Variants in MICAL2 observed in about 807,000 individuals in gnomAD.
MICAL2 encodes microtubule associated monooxygenase, calponin and LIM domain containing 2, also known as [F-actin]-monooxygenase MICAL2.
MICAL2 carries 77 observed loss-of-function variants against 127.3 expected under a neutral mutation model. The ratio of observed to expected loss-of-function variants is 0.60; its 90% CI spans 0.50 to 0.73. MICAL2 has a LOEUF of 0.73. Among genes scored for constraint, MICAL2 ranks in the 30% least tolerant of loss-of-function variants. The pLI is 0.00. For missense variants in MICAL2, 1,351 were observed against 1,434.4 expected, an observed-to-expected ratio of 0.94 and a Z score of 0.94; for synonymous variants, 570 against 551.1, an observed-to-expected ratio of 1.03 and a Z score of -0.48.
chr11:12,252,010 C>T (rs1044732752), intron 22 of MICAL2, among the ~76,000 whole-genome samples: 3 of 152,128 alleles, frequency 2.0e-5, no homozygotes, highest in African/African-American at 4.8e-5. Context: ...GGGAGAATAC[C>T]GTGGAGCCCG....
downstream of MICAL2, among the ~76,000 whole-genome samples, chr11:12,360,377 G>GA (rs1433585863): frequency 3.3e-5 from 5 of 152,186 alleles, no homozygotes; most frequent in Non-Finnish European, 5.9e-5. Context: ...TAACCCAGAT[G>GA]TTTGGGGCAG....
chr11:12,264,187 A>G (rs1019519503), downstream of MICAL2, among the ~76,000 whole-genome samples: 4 of 152,134 alleles, frequency 2.6e-5, no homozygotes, highest in Non-Finnish European at 4.4e-5. Context: ...TTAGGTTCCT[A>G]TTCAGCAAAG....
At chr11:12,349,560 G>A (rs995191899) in intron 32 of MICAL2, among the ~76,000 whole-genome samples, 5 of 152,150 alleles carry the variant, frequency 3.3e-5, no homozygotes, top group African/African-American at 4.8e-5. Context: ...GGGGAGGGTC[G>A]TTTGTGGTGG....
At chr11:12,117,808 G>A (rs1413214901) in intron 1 of MICAL2, among the ~76,000 whole-genome samples, 6 of 152,198 alleles carry the variant, frequency 3.9e-5, no homozygotes, top group Non-Finnish European at 7.3e-5. Flanking sequence ...CTCCCTGCTT[G>A]TAAGAAGGAG....
At chr11:12,266,125 T>C (rs1280781192), downstream of MICAL2, among the ~76,000 whole-genome samples, 1 of 151,840 alleles carries the variant, frequency 6.6e-6, no homozygotes, top group Non-Finnish European at 1.5e-5. Flanking sequence ...AAGAAAATAA[T>C]AAAAATTATA....
At chr11:12,330,193 A>C (rs1303844347) in intron 32 of MICAL2, among the ~76,000 whole-genome samples, 2 of 152,222 alleles carry the variant, frequency 1.3e-5, no homozygotes, top group African/African-American at 4.8e-5. Flanking sequence ...ACATTTGTGC[A>C]ATAATAATAT....
At chr11:12,153,871 C>G (rs1853866709) in intron 2 of MICAL2, among the ~76,000 whole-genome samples, 1 of 152,200 alleles carries the variant, frequency 6.6e-6, no homozygotes, top group African/African-American at 2.4e-5. Context: ...CAAGATGATT[C>G]AGGTCACATG....
intron 29 of MICAL2, among the ~76,000 whole-genome samples, chr11:12,306,359 G>A (rs1196977983): frequency 2.0e-5 from 3 of 151,962 alleles, no homozygotes; most frequent in African/African-American, 7.3e-5. Flanking sequence ...TTCATTGTGG[G>A]AATATACAGT....
chr11:12,219,432 G>C (rs1460579038), intron 8 of MICAL2, among the ~76,000 whole-genome samples: 1 of 150,764 alleles, frequency 6.6e-6, no homozygotes, highest in East Asian at 2.0e-4. Flanking sequence ...GGAGGCTGAG[G>C]CAGGAGAATT....
intron 29 of MICAL2, among the ~76,000 whole-genome samples, chr11:12,297,431 TTTGTAATGATACAAATTACAAG>T (rs1339727222): frequency 6.6e-6 from 1 of 152,156 alleles, no homozygotes; most frequent in Non-Finnish European, 1.5e-5. Flanking sequence ...TTAACCCTTT[TTTGTAATGATACAAATTACAAG>T]TACTTTTTAC....
chr11:12,317,915 G>A (rs1864248976), intron 29 of MICAL2, among the ~76,000 whole-genome samples: 1 of 152,108 alleles, frequency 6.6e-6, no homozygotes, highest in Non-Finnish European at 1.5e-5. Context: ...ATCTTTGGAA[G>A]CATTTTCTCC....
At chr11:12,264,881 G>A (rs1414202340), downstream of MICAL2, among the ~76,000 whole-genome samples, 2 of 152,190 alleles carry the variant, frequency 1.3e-5, no homozygotes, top group African/African-American at 2.4e-5. Flanking sequence ...ACCATGCGAA[G>A]TCCCCACACC....
At chr11:12,181,838 C>T (rs1047234079) in intron 3 of MICAL2, among the ~76,000 whole-genome samples, 2 of 152,214 alleles carry the variant, frequency 1.3e-5, no homozygotes. Context: ...GTCTGGTACA[C>T]GGATTTTTAA....
intron 32 of MICAL2, among the ~76,000 whole-genome samples, chr11:12,328,180 A>G (rs1023339743): frequency 2.6e-5 from 4 of 152,242 alleles, no homozygotes; most frequent in Non-Finnish European, 2.9e-5. Flanking sequence ...TATGCATTAG[A>G]CATTAAAACA....
At chr11:12,267,510 C>A (rs1032735944), downstream of MICAL2, among the ~76,000 whole-genome samples, 1 of 152,200 alleles carries the variant, frequency 6.6e-6, no homozygotes, top group Non-Finnish European at 1.5e-5. Context: ...AACCACCCTC[C>A]GCCACTGTCA....
intron 1 of MICAL2, among the ~76,000 whole-genome samples, chr11:12,117,705 G>A (rs1381466241): frequency 6.6e-6 from 1 of 152,218 alleles, no homozygotes; most frequent in Non-Finnish European, 1.5e-5. Flanking sequence ...GTTGGGTGCT[G>A]TGTGTAGAGT....
At chr11:12,317,817 G>T (rs527422143) in intron 29 of MICAL2, among the ~76,000 whole-genome samples, 4 of 151,848 alleles carry the variant, frequency 2.6e-5, no homozygotes, top group Non-Finnish European at 5.9e-5. Context: ...TACTAGAATG[G>T]TTGGTTCTGT....
chr11:12,124,548 C>T (rs1270702838), intron 1 of MICAL2, among the ~76,000 whole-genome samples: 1 of 152,228 alleles, frequency 6.6e-6, no homozygotes, highest in Non-Finnish European at 1.5e-5. Context: ...CCAGAGATTG[C>T]ACCAGGCAGC....
chr11:12,300,796 A>G (rs1864037970), intron 29 of MICAL2, among the ~76,000 whole-genome samples: 1 of 152,204 alleles, frequency 6.6e-6, no homozygotes. Flanking sequence ...CCATGCCTGG[A>G]CTTCCAACCT....
Sources: allele counts gnomAD v4.1 joint callset (sites outside exome capture counted in the v4.1 genomes callset), GRCh38; gene constraint gnomAD v4.1.1; transcripts MANE v1.5; gene names NCBI Gene and HGNC (gene_info 2026-07-23, HGNC 2026-07-21).